The following CSMD1 variants were observed in gnomAD, a reference collection of about 807,000 sequenced individuals.
CSMD1 encodes CUB and sushi domain-containing protein 1.
A neutral mutation model predicts 417.5 loss-of-function variants in CSMD1; 213 were observed. That is an observed-to-expected ratio of 0.51 (90% CI 0.46 to 0.57). CSMD1 has a LOEUF of 0.57. CSMD1 is among the 20% of genes least tolerant of loss of function. The pLI is 0.00. For synonymous variants in CSMD1, 2,862 were observed against 1,736.8 expected (o/e 1.65, Z -16.11); for missense variants, 6,923 against 4,529.7 (o/e 1.53, Z -15.17).
chr8:3,490,423 T>C (rs933345570), intron 11 of CSMD1, among the ~76,000 whole-genome samples: 4 of 152,214 alleles, frequency 2.6e-5, no homozygotes, highest in African/African-American at 7.2e-5. Flanking sequence ...TCATAAGGCA[T>C]TACCTGCCTG....
chr8:3,134,501 A>T (rs1214814348), intron 41 of CSMD1, among the ~76,000 whole-genome samples: 1 of 152,242 alleles, frequency 6.6e-6, no homozygotes, highest in Non-Finnish European at 1.5e-5. Context: ...GTCAGGTGTC[A>T]GGTCCAAAAC....
chr8:3,837,919 T>C (rs1802814824), intron 5 of CSMD1, among the ~76,000 whole-genome samples: 2 of 152,194 alleles, frequency 1.3e-5, no homozygotes, highest in Non-Finnish European at 2.9e-5. Flanking sequence ...CAGATGAATA[T>C]ACTGTTTTTC....
intron 7 of CSMD1, among the ~76,000 whole-genome samples, chr8:3,649,488 G>A (rs1286694852): frequency 6.6e-6 from 1 of 152,140 alleles, no homozygotes; most frequent in Non-Finnish European, 1.5e-5. Flanking sequence ...GGAGGCCTCA[G>A]GAAATTTACA....
chr8:3,250,222 C>A (rs1400296347), intron 26 of CSMD1, among the ~76,000 whole-genome samples: 1 of 152,154 alleles, frequency 6.6e-6, no homozygotes, highest in African/African-American at 2.4e-5. Context: ...CCCCACCCCA[C>A]AACAGGCCCC....
intron 5 of CSMD1, among the ~76,000 whole-genome samples, chr8:3,773,219 C>A (rs564197605): frequency 6.6e-6 from 1 of 152,206 alleles, no homozygotes; most frequent in Non-Finnish European, 1.5e-5. Flanking sequence ...CTCACATAAT[C>A]TGTCACCAAA....
chr8:3,052,791 T>G, intron 49 of CSMD1, 144 bp from the exon 50 acceptor site: 1 of 594,506 alleles, frequency 1.7e-6, no homozygotes, highest in Non-Finnish European at 2.5e-6. Flanking sequence ...CTTTCTTTTT[T>G]TTTTCTGGAG....
intron 1 of CSMD1, among the ~76,000 whole-genome samples, chr8:4,892,105 CCTCT>C (rs1804162302): frequency 6.6e-6 from 1 of 152,054 alleles, no homozygotes; most frequent in Non-Finnish European, 1.5e-5. Flanking sequence ...CTATTTTCTT[CCTCT>C]CTGTCACAGG....
intron 7 of CSMD1, among the ~76,000 whole-genome samples, chr8:3,635,279 G>C (rs969539465): frequency 6.6e-6 from 1 of 151,936 alleles, no homozygotes; most frequent in Non-Finnish European, 1.5e-5. Flanking sequence ...TTCAAGACCA[G>C]CCCGGCCAAG....
chr8:4,815,235 A>G (rs968469525), intron 1 of CSMD1, among the ~76,000 whole-genome samples: 10 of 151,442 alleles, frequency 6.6e-5, no homozygotes, highest in African/African-American at 1.9e-4. Flanking sequence ...TGATTATTTG[A>G]TGAAACCACA....
chr8:4,131,756 C>CTTTTTTT lies in CSMD1; in HGVS notation c.416-99664_416-99658dup, dbSNP rs10650865. On this transcript the variant is annotated intron_variant, in intron 3 of 69. Transcript: ENST00000635120. ...AGATTAAATTAGTATACAAATGTGA[C>CTTTTTTT]TTTTTTTTTTTTTTTTTTTTTTTTG... 7.8e-4 allele frequency among the ~76,000 whole-genome samples: 68 copies of CTTTTTTT among 87,434 alleles called. 5 individuals are homozygous for CTTTTTTT. Among genetic ancestry groups the CTTTTTTT allele is most frequent in the Non-Finnish European group, 9.7e-4 (48 of 49,474 alleles). The allele number at this position is 87,434 out of a possible 152,430, so 57.4% of individuals were successfully genotyped here. A position where few individuals can be genotyped will look rare whatever the true frequency, so the allele number is the denominator to read the frequency against.
intron 64 of CSMD1, 91 bp downstream of exon 64, chr8:2,955,498 T>G (rs1802933864): frequency 8.0e-7 from 1 of 1,251,144 alleles, no homozygotes; most frequent in African/African-American, 1.5e-5. Context: ...CTCTTACTTA[T>G]GGGTCTCACA....
rs553633710 is a variant in CSMD1, at chr8:3,186,015, A to AG, written c.5620+1853dup. On this transcript the variant is annotated intron_variant, in intron 36 of 69. Coordinates refer to ENST00000635120, the MANE Select transcript of CSMD1 (RefSeq NM_033225.6). The stretch of plus-strand genomic sequence containing the variant: ...ATATTTTAATTTATTTTTCCCAGGT[A>AG]GCTTTTTTTTCTCTTACATCTTAAA... 5.9e-3 allele frequency among the ~76,000 whole-genome samples: 891 copies of AG among 151,532 alleles called. 3 individuals carry two copies. The highest frequency in any genetic ancestry group is 9.6e-3 in the Non-Finnish European group (650 of 67,906).
At chr8:3,487,450 C>T (rs577417005) in intron 11 of CSMD1, among the ~76,000 whole-genome samples, 20 of 152,282 alleles carry the variant, frequency 1.3e-4, no homozygotes, top group African/African-American at 4.8e-4. Context: ...ATCTGCCCGC[C>T]TCGGCCTCCC....
At chr8:4,153,715 T>C (rs1003654222) in intron 3 of CSMD1, among the ~76,000 whole-genome samples, 19 of 152,292 alleles carry the variant, frequency 1.2e-4, no homozygotes, top group African/African-American at 4.6e-4. Flanking sequence ...CCCACAGATA[T>C]AAGAACCCAT....
At chr8:3,272,544 T>G (rs1801944228) in intron 26 of CSMD1, among the ~76,000 whole-genome samples, 1 of 138,570 alleles carries the variant, frequency 7.2e-6, no homozygotes, top group Non-Finnish European at 1.6e-5. Context: ...TTCACGATAT[T>G]GATTCTTCCT....
intron 1 of CSMD1, among the ~76,000 whole-genome samples, chr8:4,769,838 T>G (rs1387667202): frequency 6.6e-6 from 1 of 152,188 alleles, no homozygotes; most frequent in Non-Finnish European, 1.5e-5. Flanking sequence ...GTTGTTGTTA[T>G]TATGTTCTCT....
chr8:3,111,319 A>T (rs1008485249), intron 42 of CSMD1, among the ~76,000 whole-genome samples: 5 of 152,164 alleles, frequency 3.3e-5, no homozygotes, highest in African/African-American at 9.6e-5. Flanking sequence ...AGAACATTGG[A>T]TTGAACCTGG....
chr8:4,932,370 G>C (rs1294330112), intron 1 of CSMD1, among the ~76,000 whole-genome samples: 1 of 151,386 alleles, frequency 6.6e-6, no homozygotes, highest in Non-Finnish European at 1.5e-5. Context: ...TCTGATTTCA[G>C]AAACTAGAAT....
At chr8:3,190,895 C>G (rs1291876724) in intron 33 of CSMD1, among the ~76,000 whole-genome samples, 2 of 152,146 alleles carry the variant, frequency 1.3e-5, no homozygotes, top group Admixed American at 6.5e-5. Context: ...GATTCTACTT[C>G]TATGGGGAGA....
Sources: allele counts gnomAD v4.1 joint callset (sites outside exome capture counted in the v4.1 genomes callset), GRCh38; gene constraint gnomAD v4.1.1; transcripts MANE v1.5; gene names NCBI Gene and HGNC (gene_info 2026-07-23, HGNC 2026-07-21).